Variants in GTF2F2 observed in about 807,000 individuals in gnomAD.
GTF2F2 encodes ATP-dependent helicase GTF2F2.
GTF2F2 carries 23 observed loss-of-function variants against 42.2 expected under a neutral mutation model. That is an observed-to-expected ratio of 0.55 (90% CI 0.39 to 0.77). The LOEUF is 0.77. Ranked by LOEUF, GTF2F2 falls within the 30% of genes least tolerant of loss-of-function variation. GTF2F2 has a pLI of 0.00. For missense variants in GTF2F2, 261 were observed against 287.2 expected, an observed-to-expected ratio of 0.91 and a Z score of 0.66; for synonymous variants, 105 against 100.8, an observed-to-expected ratio of 1.04 and a Z score of -0.25.
At position 45,213,580 on chromosome 13, in the gene GTF2F2, C is replaced by T. The variant is rs1028669100; in HGVS notation, c.386+6075C>T. ...TTTTGGGAATTCATAGTTGTATCCTCTACAACATTATAAACTTCATGAGAG... is the reference window on the plus strand; with the variant it reads ...TTTTGGGAATTCATAGTTGTATCCTTTACAACATTATAAACTTCATGAGAG... On this transcript the variant is annotated intron_variant, in intron 5 of 7. Coordinates refer to ENST00000340473, the MANE Select transcript of GTF2F2 (RefSeq NM_004128.3). Among the ~76,000 whole-genome samples the T allele has an allele frequency of 2.0e-5, 3 of 152,254 alleles. No individual in the cohort carries two copies. The East Asian group carries it at 5.8e-4, about 29-fold the overall frequency.
intron 4 of GTF2F2, among the ~76,000 whole-genome samples, chr13:45,172,811 T>C (rs1010600685): frequency 6.6e-6 from 1 of 152,214 alleles, no homozygotes; most frequent in African/African-American, 2.4e-5. Flanking sequence ...GTATCTATCC[T>C]CATGCCAGTA....
chr13:45,156,292 T>G (rs1488369634), intron 4 of GTF2F2, among the ~76,000 whole-genome samples: 1 of 152,200 alleles, frequency 6.6e-6, no homozygotes, highest in Non-Finnish European at 1.5e-5. Context: ...CATGTGTACT[T>G]TGCCTGAGGG....
intron 7 of GTF2F2, among the ~76,000 whole-genome samples, chr13:45,274,101 C>G (rs760279067): frequency 2.0e-5 from 3 of 152,048 alleles, no homozygotes; most frequent in African/African-American, 7.2e-5. Flanking sequence ...TTCTTCACTT[C>G]GGTATTGCAG....
At chr13:45,203,602 C>T (rs909108620) in intron 4 of GTF2F2, among the ~76,000 whole-genome samples, 1 of 152,064 alleles carries the variant, frequency 6.6e-6, no homozygotes, top group Non-Finnish European at 1.5e-5. Flanking sequence ...GAAACACCCC[C>T]CAAACTCCCC....
intron 4 of GTF2F2, among the ~76,000 whole-genome samples, chr13:45,157,421 T>G (rs984167344): frequency 1.3e-5 from 2 of 152,192 alleles, no homozygotes; most frequent in Admixed American, 6.5e-5. Flanking sequence ...AGTGATATAA[T>G]TTGATTTACA....
intron 5 of GTF2F2, among the ~76,000 whole-genome samples, chr13:45,223,341 C>T (rs907743925): frequency 3.3e-5 from 5 of 150,882 alleles, no homozygotes; most frequent in South Asian, 2.1e-4. Context: ...AAAACACGTG[C>T]GCATGCGTGC....
intron 4 of GTF2F2, chr13:45,192,704 T>C (rs940370203): frequency 5.9e-5 from 9 of 152,192 alleles, no homozygotes; most frequent in African/African-American, 2.2e-4. Context: ...TAATTTTTTG[T>C]TTGGCATGAA....
chr13:45,205,634 C>T (rs1267400876), intron 4 of GTF2F2, among the ~76,000 whole-genome samples: 3 of 152,158 alleles, frequency 2.0e-5, no homozygotes, highest in Non-Finnish European at 4.4e-5. Context: ...ATTCCCTTGC[C>T]TCAGCCTCCT....
In GTF2F2 at chr13:45,262,974, C is replaced by G. The variant is rs540639160; in HGVS notation, c.487-4259C>G. On this transcript the variant is annotated intron_variant, in intron 6 of 7. Transcript: ENST00000340473. ...CTCTTGGTCTCAAGTGATCCTCCCC[C>G]CTTGGCCTCCCAGAGCACTAGGATT... 4.6e-5 allele frequency among the ~76,000 whole-genome samples: 7 copies of G among 152,264 alleles called. No homozygotes were observed. The East Asian group carries it at 5.8e-4, about 13-fold the overall frequency.
At chr13:45,245,119 CTT>C (rs994609326) in intron 5 of GTF2F2, among the ~76,000 whole-genome samples, 18 of 152,188 alleles carry the variant, frequency 1.2e-4, no homozygotes, top group African/African-American at 4.1e-4. Flanking sequence ...TTTTTCTTCT[CTT>C]ATTTTCAACT....
In GTF2F2 at chr13:45,164,046, C is replaced by T. The variant is rs138417657; in HGVS notation, c.304+12215C>T. On this transcript the variant is annotated intron_variant, in intron 4 of 7. Transcript: ENST00000340473. ...GTGCGCATCTATAATCCCAGCTCCT[C>T]AGCACACATCTGTAATTCCAGCCAG... Among the ~76,000 whole-genome samples the T allele has an allele frequency of 8.2e-4, 125 of 152,104 alleles. 1 individual carries two copies. In the Middle Eastern group the frequency reaches 0.014, roughly 17 times the overall value.
chr13:45,120,695 CAG>C lies in GTF2F2; in HGVS notation c.42_43del (p.Asn15HisfsTer10). 1.3e-6 allele frequency: 2 copies of C among 1,561,776 alleles called. No homozygotes were observed. The highest frequency in any genetic ancestry group is 1.4e-5 in the African/African-American group (1 of 74,070). ...GGAACTCGACTTGACCGGCGCCAAA[CAG>C]AACACAGGAGTGTGGCTAGTCAAGG... Reference protein sequence around the residue: ...RGELDLTGAKQNTGVWLVKVP... With the variant: ...RGELDLTGAKXNTGVWLVKVP... On this transcript the variant is annotated frameshift_variant, in exon 1 of 8. Coordinates refer to ENST00000340473, the MANE Select transcript of GTF2F2 (RefSeq NM_004128.3). LOFTEE classifies it high-confidence loss of function.
intron 5 of GTF2F2, among the ~76,000 whole-genome samples, chr13:45,237,988 CTG>C (rs1566146421): frequency 1.3e-5 from 2 of 152,120 alleles, no homozygotes; most frequent in African/African-American, 4.8e-5. Context: ...AAGTCTCACT[CTG>C]TAGCCCAGGC....
At chr13:45,178,844 G>C (rs1202070954) in intron 4 of GTF2F2, among the ~76,000 whole-genome samples, 2 of 152,170 alleles carry the variant, frequency 1.3e-5, no homozygotes, top group East Asian at 3.9e-4. Context: ...CTGTTCACAT[G>C]ATGTTGACTG....
chr13:45,126,239 G>A (rs1009598740), intron 1 of GTF2F2, among the ~76,000 whole-genome samples: 1 of 144,812 alleles, frequency 6.9e-6, no homozygotes, highest in East Asian at 2.1e-4. Flanking sequence ...TCAAAGGGAA[G>A]AACGACTTTT....
At chr13:45,149,926 A>G in intron 3 of GTF2F2, 138 bp downstream of exon 3, 1 of 710,520 alleles carries the variant, frequency 1.4e-6, no homozygotes, top group Non-Finnish European at 2.1e-6. Context: ...TAAAGGTATA[A>G]ATGCCACCCT....
intron 4 of GTF2F2, among the ~76,000 whole-genome samples, chr13:45,158,978 CTT>C (rs1870902748): frequency 6.6e-6 from 1 of 152,190 alleles, no homozygotes; most frequent in Non-Finnish European, 1.5e-5. Context: ...TCTTAAGACA[CTT>C]GAGGTTCAGA....
chr13:45,194,146 G>C (rs760107154), intron 4 of GTF2F2: 1 of 1,614,142 alleles, frequency 6.2e-7, no homozygotes, highest in Non-Finnish European at 8.5e-7. Flanking sequence ...TTCCAAGAAA[G>C]TAGTCTCTCT....
At chr13:45,212,503 C>CTT (rs1555269208) in intron 5 of GTF2F2, among the ~76,000 whole-genome samples, 1 of 100,984 alleles carries the variant, frequency 9.9e-6, no homozygotes, top group African/African-American at 4.1e-5. Context: ...TTCTTTCTTT[C>CTT]TTTCTTTTCT....
Sources: allele counts gnomAD v4.1 joint callset (sites outside exome capture counted in the v4.1 genomes callset), GRCh38; gene constraint gnomAD v4.1.1; transcripts MANE v1.5; gene names NCBI Gene and HGNC (gene_info 2026-07-23, HGNC 2026-07-21).